TEDC1: variants seen among roughly 807,000 people sequenced by gnomAD.
TEDC1 encodes tubulin epsilon and delta complex protein 1.
TEDC1 carries 54 observed loss-of-function variants against 59.9 expected under a neutral mutation model. The observed-to-expected ratio is 0.90, with a 90% CI of 0.72 to 1.13. The LOEUF is 1.13. Among genes scored for constraint, TEDC1 ranks in the 50% most tolerant of loss-of-function variants. The pLI, the probability that TEDC1 is intolerant of heterozygous loss-of-function variation, is 0.00. For synonymous variants in TEDC1, 353 were observed against 298.1 expected, an observed-to-expected ratio of 1.18 and a Z score of -1.90; for missense variants, 734 against 683.4, an observed-to-expected ratio of 1.07 and a Z score of -0.83.
intron 6 of TEDC1, 192 bp from the exon 7 acceptor site, chr14:105,497,165 G>T: frequency 1.5e-6 from 1 of 660,222 alleles, no homozygotes; most frequent in Non-Finnish European, 2.7e-6. Flanking sequence ...GGGCTGTGGC[G>T]TCCGCACCAC....
Position 105,497,923 on chromosome 14 carries a change from G to T in TEDC1, c.1104G>T (p.Leu368=). 1 of 1,550,756 alleles carries T rather than the reference G, an allele frequency of 6.4e-7. No homozygotes were observed. Among genetic ancestry groups the T allele is most frequent in the Non-Finnish European group, 8.7e-7 (1 of 1,147,406 alleles). ...LDLVVRELQA[L]EEELREAAER... is the part of the protein sequence containing the mutation. ...TGGTAGTGCGGGAGCTGCAGGCACT[G>T]GAGGAGGAGCTGCGGGAGGCTGCGG... The change falls in exon 8 of 9, where the codon CTG becomes CTT. Residue 368 remains leucine, a synonymous_variant. Transcript: ENST00000392523.
intron 6 of TEDC1, chr14:105,496,878 A>T (rs1179135457): frequency 4.9e-6 from 1 of 205,208 alleles, no homozygotes; most frequent in African/African-American, 2.4e-5. Flanking sequence ...GTTACAGGGG[A>T]TGGGTTTTCC....
upstream of TEDC1, chr14:105,491,007 C>T (rs1215118889): frequency 9.0e-6 from 14 of 1,547,446 alleles, no homozygotes; most frequent in African/African-American, 2.7e-5. Flanking sequence ...GAAGTGGGTC[C>T]GCACGAGACA....
At chr14:105,496,139 T>TGG in intron 6 of TEDC1, 53 bp downstream of exon 6, 2 of 32,262 alleles carry the variant, frequency 6.2e-5, no homozygotes, top group Non-Finnish European at 1.0e-4. Flanking sequence ...TGGGGGTGGG[T>TGG]GGGAGGGGGT....
Position 105,497,357 on chromosome 14 carries a change from C to G in TEDC1, c.892C>G (p.Leu298Val). The G allele has an allele frequency of 2.6e-6, 4 of 1,550,588 alleles. No individual in the cohort carries two copies. In the South Asian group the frequency reaches 4.8e-5, roughly 18 times the overall value. ...ACSLLSPFRALLRTLERENQR... is the reference protein window; with the variant it reads ...ACSLLSPFRAVLRTLERENQR... ...AGGCCAGCTGCCGTTTGCCTTCCAG[C>G]TGCTGCGGACTCTGGAGCGTGAGAA... is the stretch of plus-strand genomic sequence containing the variant. The change falls in exon 7 of 9, where the codon CTG (leucine) becomes GTG (valine). Residue 298 changes from leucine (L) to valine (V), a missense_variant and splice_region_variant. Coordinates refer to ENST00000392523, the MANE Select transcript of TEDC1 (RefSeq NM_001367178.1).
intron 7 of TEDC1, 128 bp downstream of exon 7, chr14:105,497,571 G>GCT (rs782050123): frequency 8.4e-5 from 103 of 1,224,572 alleles, no homozygotes; most frequent in Non-Finnish European, 1.1e-4. Flanking sequence ...CCTAGTGTAG[G>GCT]CTCTTTCTAG....
At position 105,494,188 on chromosome 14, in the gene TEDC1, G is replaced by A. The variant is rs371562409; in HGVS notation, c.684+255G>A. The A allele has an allele frequency of 8.6e-5, 48 of 558,742 alleles. No individual in the cohort carries two copies. In the African/African-American group the frequency reaches 8.7e-4, roughly 10 times the overall value. 34.6% of individuals were successfully genotyped at this position (558,742 alleles called of 1,614,324 possible). ...GCACGGGTGGGGGCCCAGGACGCAG[G>A]AGCCTGGGCTGGGCAGGCAGCTGGC... On this transcript the variant is annotated intron_variant, in intron 5 of 8. Transcript: ENST00000392523.
chr14:105,490,929 G>A, upstream of TEDC1: 1 of 1,155,954 alleles, frequency 8.7e-7, no homozygotes, highest in Non-Finnish European at 1.3e-6. Context: ...GTCGGGTGTC[G>A]TGACGATTGA....
Position 105,498,759 on chromosome 14 carries a change from TGAGAC to T in TEDC1, c.1306_1310del (p.Arg436GlyfsTer134). ...CAGCCCCATGGGCCACACCGGCTGG[TGAGAC>T]GAGAGGATGGGGCAGCAGGGGACCG... On this transcript the variant is annotated frameshift_variant, in exon 9 of 9. Transcript: ENST00000392523. LOFTEE classifies it high-confidence loss of function. 2 of 1,561,418 alleles carry T rather than the reference TGAGAC, an allele frequency of 1.3e-6. No homozygotes were observed. The highest frequency in any genetic ancestry group is 8.7e-7 in the Non-Finnish European group (1 of 1,153,670).
At chr14:105,497,204 C>G in intron 6 of TEDC1, 153 bp from the exon 7 acceptor site, 1 of 770,796 alleles carries the variant, frequency 1.3e-6, no homozygotes, top group Non-Finnish European at 2.2e-6. Flanking sequence ...TCGCTCTGGC[C>G]AGAGAACCTG....
rs2084333328 is a variant in TEDC1 at position 105,495,862 on chromosome 14, G to A, written c.685-18G>A. The A allele has an allele frequency of 2.0e-5, 31 of 1,538,468 alleles. No individual in the cohort carries two copies. The highest frequency in any genetic ancestry group is 2.3e-5 in the Non-Finnish European group (26 of 1,138,582). Reference sequence around the variant, plus strand: ...CACTGGCCAGGTGGACTGGGGCCATGGCTGGCTTCCTTCCAAGGTTTCTGG... The same window carrying A: ...CACTGGCCAGGTGGACTGGGGCCATAGCTGGCTTCCTTCCAAGGTTTCTGG... On this transcript the variant is annotated intron_variant, in intron 5 of 8. Transcript: ENST00000392523.
chr14:105,491,350 A>G lies in TEDC1; in HGVS notation c.-26A>G. The G allele has an allele frequency of 6.8e-7, 1 of 1,460,470 alleles. No individual in the cohort carries two copies. Among genetic ancestry groups the G allele is most frequent in the South Asian group, 1.4e-5 (1 of 72,136 alleles). 90.5% of individuals were successfully genotyped at this position (1,460,470 alleles called of 1,614,324 possible). A position where few individuals can be genotyped will look rare whatever the true frequency, so the allele number is the denominator to read the frequency against. ...CCCCGGGCCGCGGCGGAGGCGGGCG[A>G]TCCGAAAGAGGCTGGTGCTGGCTGC... On this transcript the variant is annotated 5_prime_UTR_variant, in exon 1 of 9. Coordinates refer to ENST00000392523, the MANE Select transcript of TEDC1 (RefSeq NM_001367178.1).
upstream of TEDC1, chr14:105,490,850 C>T (rs1258407600): frequency 4.4e-6 from 3 of 683,200 alleles, no homozygotes; most frequent in African/African-American, 1.8e-5. Flanking sequence ...CTGCGCGCTC[C>T]CGCCCGGCGG....
intron 8 of TEDC1, 70 bp from the exon 9 acceptor site, chr14:105,498,547 A>C: frequency 6.9e-7 from 1 of 1,442,920 alleles, no homozygotes; most frequent in Non-Finnish European, 9.2e-7. Flanking sequence ...GTCTGGGCTC[A>C]GGGAATGCTC....
chr14:105,498,939 G>A lies in TEDC1; in HGVS notation c.1481G>A (p.Gly494Glu). 1.2e-6 allele frequency: 2 copies of A among 1,602,634 alleles called. No individual in the cohort carries two copies. Among genetic ancestry groups the A allele is most frequent in the Non-Finnish European group, 1.7e-6 (2 of 1,174,502 alleles). The change falls in exon 9 of 9, where the codon GGA becomes GAA. Residue 494 changes from glycine to glutamate, a missense_variant. Gly to Glu is a moderately conservative substitution (Grantham distance 98, BLOSUM62 -2). Coordinates refer to ENST00000392523, the MANE Select transcript of TEDC1 (RefSeq NM_001367178.1). ...GGTCTCATCTGGATCCCGCCACCTG[G>A]ACGCTGAGGGCCTGTCGACGGGCCC... ...RPGLIWIPPP[G>E]R
chr14:105,491,766 C>G (rs1261046580), intron 2 of TEDC1, 66 bp downstream of exon 2: 1 of 1,487,650 alleles, frequency 6.7e-7, no homozygotes, highest in Non-Finnish European at 9.1e-7. Context: ...TAAAGCCCCG[C>G]CTTCCCCAGT....
intron 6 of TEDC1, chr14:105,496,500 C>A (rs116929684): frequency 0.064 from 13,010 of 203,346 alleles, 589 homozygotes; most frequent in Admixed American, 0.12. Flanking sequence ...CCCCTGCAGC[C>A]TGCTCCACAC....
intron 5 of TEDC1, chr14:105,495,342 C>T (rs1337082824): frequency 2.6e-5 from 4 of 155,716 alleles, no homozygotes; most frequent in Non-Finnish European, 4.3e-5. Flanking sequence ...GTACCTCATC[C>T]CAGGCCTGCC....
At chr14:105,497,656 T>C (rs2084377875) in intron 7 of TEDC1, 142 bp from the exon 8 acceptor site, 2 of 1,215,940 alleles carry the variant, frequency 1.6e-6, no homozygotes, top group Admixed American at 2.8e-5. Flanking sequence ...AGTGTGGCCT[T>C]TGTGCCTCCC....
Sources: gnomAD v4.1 joint callset for allele counts on GRCh38, gnomAD v4.1.1 for gene constraint, MANE v1.5 for transcripts, NCBI Gene and HGNC (gene_info 2026-07-23, HGNC 2026-07-21) for gene names.